The following FAM220A variants were observed in gnomAD, a reference collection of about 807,000 sequenced individuals.
FAM220A encodes the protein family with sequence similarity 220 member A, also known as protein FAM220A.
For synonymous variants in FAM220A, 141 were observed against 130.7 expected, an observed-to-expected ratio of 1.08 and a Z score of -0.54; for missense variants, 392 against 321.6, an observed-to-expected ratio of 1.22 and a Z score of -1.68.
chr7:6,342,702 C>T (rs1781886061), intron 1 of FAM220A, among the ~76,000 whole-genome samples: 1 of 151,982 alleles, frequency 6.6e-6, no homozygotes, highest in Non-Finnish European at 1.5e-5. Context: ...GTGAAAGCAA[C>T]CCAAAAGTCC....
chr7:6,342,793 T>G (rs1476156857), intron 1 of FAM220A, among the ~76,000 whole-genome samples: 4 of 151,778 alleles, frequency 2.6e-5, no homozygotes, highest in Non-Finnish European at 2.9e-5. Flanking sequence ...TCTCAGCACT[T>G]TGGGAGGCTG....
intron 1 of FAM220A, among the ~76,000 whole-genome samples, chr7:6,347,536 C>T (rs1039048761): frequency 1.3e-5 from 2 of 151,678 alleles, no homozygotes; most frequent in Non-Finnish European, 2.9e-5. Context: ...AAAAGAGATA[C>T]CAATTTTTTA....
In FAM220A at chr7:6,330,850, G is replaced by A; in HGVS notation, c.305C>T (p.Thr102Ile). ...RNPASAATPS[T>I]AVGLFPAPTE... ...TGGAGCAGGGAACAAACCCACGGCT[G>A]TGCTCGGAGTGGCTGCTGAGGCTGG... is the stretch of plus-strand genomic sequence containing the variant. The change falls in exon 2 of 2, where the codon ACA (threonine) becomes ATA (isoleucine). Residue 102 changes from threonine (T) to isoleucine (I), a missense_variant. Physicochemically the swap from Thr to Ile is moderately conservative, Grantham distance 89 (BLOSUM62 -1). Coordinates refer to ENST00000313324, the MANE Select transcript of FAM220A (RefSeq NM_001037163.2). The A allele has an allele frequency of 1.2e-6, 2 of 1,614,218 alleles. No individual in the cohort carries two copies. The highest frequency in any genetic ancestry group is 1.7e-6 in the Non-Finnish European group (2 of 1,180,040).
chr7:6,335,616 A>G (rs1781728924), intron 1 of FAM220A, among the ~76,000 whole-genome samples: 1 of 152,176 alleles, frequency 6.6e-6, no homozygotes, highest in Non-Finnish European at 1.5e-5. Context: ...ATGTTTTATA[A>G]TATGTATCAT....
intron 1 of FAM220A, among the ~76,000 whole-genome samples, chr7:6,331,671 C>T (rs984817758): frequency 3.9e-5 from 6 of 152,024 alleles, no homozygotes; most frequent in South Asian, 4.2e-4. Context: ...TGAGCCACCA[C>T]GCCCGGCCTA....
At chr7:6,348,241 G>T (rs938607526) in intron 1 of FAM220A, among the ~76,000 whole-genome samples, 11 of 150,482 alleles carry the variant, frequency 7.3e-5, no homozygotes, top group African/African-American at 1.2e-4. Context: ...AAGGGGGGGG[G>T]TTGCAAAGTT....
At chr7:6,335,800 A>G (rs1424406123) in intron 1 of FAM220A, among the ~76,000 whole-genome samples, 3 of 151,432 alleles carry the variant, frequency 2.0e-5, no homozygotes, top group Non-Finnish European at 4.4e-5. Context: ...TTTGGGAGGC[A>G]CAGACAGAAG....
chr7:6,335,160 T>C (rs756002244), intron 1 of FAM220A, among the ~76,000 whole-genome samples: 1 of 152,014 alleles, frequency 6.6e-6, no homozygotes, highest in Non-Finnish European at 1.5e-5. Context: ...CCTCCTAGGT[T>C]CAAGCGATTC....
At position 6,343,177 on chromosome 7, in the gene FAM220A, G is replaced by C. The variant is rs1781896215; in HGVS notation, c.-82+5396C>G. Among the ~76,000 whole-genome samples the C allele has an allele frequency of 2.0e-5, 3 of 151,558 alleles. No homozygotes were observed. The South Asian group carries it at 6.2e-4, about 31-fold the overall frequency. On this transcript the variant is annotated intron_variant, in intron 1 of 1. Transcript: ENST00000313324. Reference sequence around the variant, plus strand: ...GGATCCCCTGAGGTCAGGAGTTCAAGACCAGCCTGGCCAACATGGTGAAGC... The same window carrying C: ...GGATCCCCTGAGGTCAGGAGTTCAACACCAGCCTGGCCAACATGGTGAAGC...
intron 1 of FAM220A, among the ~76,000 whole-genome samples, chr7:6,345,363 C>T (rs539246044): frequency 6.6e-5 from 10 of 152,098 alleles, no homozygotes; most frequent in Non-Finnish European, 1.5e-4. Flanking sequence ...GATCCTCCCA[C>T]CTCAGTCTCC....
intron 1 of FAM220A, among the ~76,000 whole-genome samples, chr7:6,343,425 TATATATATATATATATATATGATCTAGGA>T (rs1562448753): frequency 7.7e-6 from 1 of 129,920 alleles, no homozygotes; most frequent in African/African-American, 2.9e-5. Context: ...TATATATATA[TATATATATATATATATATATGATCTAGGA>T]CTAAGAAACA....
rs759749093 is a variant in FAM220A at position 6,331,023 on chromosome 7, G to C, written c.132C>G (p.Pro44=). The change falls in exon 2 of 2, where the codon CCC becomes CCG. Residue 44 remains proline (P), a synonymous_variant. Coordinates refer to ENST00000313324, the MANE Select transcript of FAM220A (RefSeq NM_001037163.2). ...MPEGPWPADA[P]SWMNKPVVDG... Reference sequence around the variant, plus strand: ...CAACCACAGGCTTATTCATCCAGGAGGGTGCATCTGCAGGCCAAGGGCCCT... The same window carrying C: ...CAACCACAGGCTTATTCATCCAGGACGGTGCATCTGCAGGCCAAGGGCCCT... 1 of 1,614,110 alleles carries C rather than the reference G, an allele frequency of 6.2e-7. No individual in the cohort carries two copies. The highest frequency in any genetic ancestry group is 1.7e-5 in the Admixed American group (1 of 60,004).
intron 1 of FAM220A, among the ~76,000 whole-genome samples, chr7:6,347,988 G>A (rs936754584): frequency 2.7e-5 from 4 of 150,878 alleles, no homozygotes; most frequent in Middle Eastern, 6.9e-3. Context: ...TCGGCTCACC[G>A]CAACCTGCGC....
intron 1 of FAM220A, among the ~76,000 whole-genome samples, chr7:6,332,734 C>T (rs1023231798): frequency 2.6e-5 from 4 of 152,102 alleles, no homozygotes; most frequent in African/African-American, 9.7e-5. Flanking sequence ...AGCAGCAACA[C>T]TGAAAGGATC....
At chr7:6,331,920 ATT>A (rs1184886015) in intron 1 of FAM220A, among the ~76,000 whole-genome samples, 3 of 151,372 alleles carry the variant, frequency 2.0e-5, no homozygotes, top group Non-Finnish European at 2.9e-5. Flanking sequence ...CATTTTTTGT[ATT>A]TTTAGTAGAG....
At position 6,330,792 on chromosome 7, in the gene FAM220A, A is replaced by C; in HGVS notation, c.363T>G (p.Gly121=). The change falls in exon 2 of 2, where the codon GGT becomes GGG. Residue 121 remains glycine, a synonymous_variant. Coordinates refer to ENST00000313324, the MANE Select transcript of FAM220A (RefSeq NM_001037163.2). ...TECFARVSCS[G]VEALGRRDWL... is the part of the protein sequence containing the mutation. Reference sequence around the variant, plus strand: ...AGTCTCGCCGCCCCAGAGCTTCAACACCACTGCAGGACACCCGAGCAAAAC... The same window carrying C: ...AGTCTCGCCGCCCCAGAGCTTCAACCCCACTGCAGGACACCCGAGCAAAAC... 1.2e-6 allele frequency: 2 copies of C among 1,614,034 alleles called. No homozygotes were observed. The highest frequency in any genetic ancestry group is 1.7e-6 in the Non-Finnish European group (2 of 1,180,008).
At chr7:6,347,223 T>C (rs1781970380) in intron 1 of FAM220A, among the ~76,000 whole-genome samples, 1 of 152,092 alleles carries the variant, frequency 6.6e-6, no homozygotes, top group African/African-American at 2.4e-5. Context: ...TGTAGAAATA[T>C]CAGTCTCTTG....
At chr7:6,341,116 C>G in intron 1 of FAM220A, among the ~76,000 whole-genome samples, 1 of 149,854 alleles carries the variant, frequency 6.7e-6, no homozygotes, top group African/African-American at 2.5e-5. Flanking sequence ...TGCACTCCAG[C>G]CTGGGCGACA....
At chr7:6,340,905 A>G (rs1353496900) in intron 1 of FAM220A, among the ~76,000 whole-genome samples, 2 of 148,174 alleles carry the variant, frequency 1.3e-5, no homozygotes, top group Non-Finnish European at 3.0e-5. Flanking sequence ...TCTCAAAAAA[A>G]AAAAAAAAAA....
Sources: allele counts gnomAD v4.1 joint callset (sites outside exome capture counted in the v4.1 genomes callset), GRCh38; gene constraint gnomAD v4.1.1; transcripts MANE v1.5; gene names NCBI Gene and HGNC (gene_info 2026-07-23, HGNC 2026-07-21).